LTN1: variants seen among roughly 807,000 people sequenced by gnomAD.
LTN1 encodes E3 ubiquitin-protein ligase listerin.
Under a neutral mutation model 201.2 loss-of-function variants are expected in LTN1, and 88 were observed. That is an observed-to-expected ratio of 0.44 (90% CI 0.37 to 0.52). The LOEUF (loss-of-function observed/expected upper bound fraction) is 0.52. Ranked by LOEUF, LTN1 falls within the 20% of genes least tolerant of loss-of-function variation. The pLI is 0.00. For synonymous variants in LTN1, 645 were observed against 713.5 expected (o/e 0.90, Z 1.53); for missense variants, 1,752 against 2,038.7 (o/e 0.86, Z 2.71).
chr21:28,940,300 C>A (rs2084287221), intron 25 of LTN1, among the ~76,000 whole-genome samples: 1 of 152,162 alleles, frequency 6.6e-6, no homozygotes, highest in Non-Finnish European at 1.5e-5. Context: ...AAGTGGGGAT[C>A]CTTCTAACAG....
rs777364687 is a variant in LTN1 at position 28,966,983 on chromosome 21, C to T, written c.1508G>A (p.Ser503Asn). Residue 503 changes from serine to asparagine, a missense_variant, in exon 10 of 30, where the codon AGT becomes AAT. Coordinates refer to ENST00000361371, the MANE Select transcript of LTN1 (RefSeq NM_015565.3). The part of the protein sequence containing the change: ...RLSEICVAKI[S>N]EPEADVESVL... ...GGACTCAACATCAGCTTCTGGCTCA[C>T]TGATTTTCGCAACACAGATCTCTGA... The T allele has an allele frequency of 1.2e-6, 2 of 1,614,026 alleles. No homozygotes were observed. The highest frequency in any genetic ancestry group is 2.2e-5 in the South Asian group (2 of 91,064).
chr21:28,972,420 T>C (rs1353486620), intron 6 of LTN1, among the ~76,000 whole-genome samples: 1 of 114,018 alleles, frequency 8.8e-6, no homozygotes, highest in African/African-American at 3.4e-5. Flanking sequence ...GTCCCTGACA[T>C]AAAATGGCGT....
Position 28,986,982 on chromosome 21 carries a change from A to G in LTN1, c.43-48T>C, listed in dbSNP as rs762711145. On this transcript the variant is annotated intron_variant, in intron 1 of 29. Transcript: ENST00000361371. The surrounding 1 kb of genome is among the most constrained non-coding windows in gnomAD (Gnocchi z 4.1). ...AAAAGTCAGAGTCCAGGAAGGGTTC[A>G]AAACTTAACTTTATAATTCCTTGGC... 1 of 1,271,358 alleles carries G rather than the reference A, an allele frequency of 7.9e-7. No individual in the cohort carries two copies. Among genetic ancestry groups the G allele is most frequent in the Admixed American group, 1.8e-5 (1 of 57,130 alleles). 78.8% of individuals were successfully genotyped at this position (1,271,358 alleles called of 1,614,324 possible).
Position 28,945,941 on chromosome 21 carries a change from C to T in LTN1, c.3634G>A (p.Glu1212Lys), listed in dbSNP as rs1162898580. 2 of 1,608,694 alleles carry T rather than the reference C, an allele frequency of 1.2e-6. No individual in the cohort carries two copies. Among genetic ancestry groups the T allele is most frequent in the Admixed American group, 1.7e-5 (1 of 58,588 alleles). The change falls in exon 21 of 30, where the codon GAA becomes AAA. Residue 1212 changes from glutamate to lysine, a missense_variant. By Grantham distance (56) the Glu-to-Lys change is moderately conservative. Transcript: ENST00000361371. ...ACACCCAGTACCTCTGGACTTGCTTCTGATAGATTACTGTGATAAAGATAA... is the reference window on the plus strand; with the variant it reads ...ACACCCAGTACCTCTGGACTTGCTTTTGATAGATTACTGTGATAAAGATAA... ...DIFLFSCNLS[E>K]ASPEVLGVNI...
At chr21:28,992,206 G>C (rs147090691) in intron 1 of LTN1, among the ~76,000 whole-genome samples, 11 of 152,198 alleles carry the variant, frequency 7.2e-5, no homozygotes, top group African/African-American at 1.7e-4. Context: ...CGGCCAGGTA[G>C]TCAAGGCACA....
At chr21:28,969,678 CA>C in intron 8 of LTN1, 77 bp from the exon 9 acceptor site, 1 of 1,078,216 alleles carries the variant, frequency 9.3e-7, no homozygotes. Context: ...ATAAAGACCT[CA>C]AAAAGGCATC....
intron 6 of LTN1, among the ~76,000 whole-genome samples, chr21:28,976,249 T>C (rs925867639): frequency 2.0e-5 from 3 of 152,212 alleles, no homozygotes; most frequent in African/African-American, 7.2e-5. Context: ...GTGCAAATTA[T>C]ACTTCAAAAA....
chr21:28,965,360 T>C (rs1480344836), intron 11 of LTN1, among the ~76,000 whole-genome samples: 1 of 152,220 alleles, frequency 6.6e-6, no homozygotes, highest in East Asian at 1.9e-4. Context: ...AAATTGTTTA[T>C]GTTCTTTCAT....
At chr21:28,961,623 A>T (rs1323428884) in intron 11 of LTN1, 1 of 154,090 alleles carries the variant, frequency 6.5e-6, no homozygotes, top group Middle Eastern at 6.8e-4. Flanking sequence ...ACCAGAGCTT[A>T]TATTTTAGTC....
chr21:28,958,667 T>C (rs2084447658), intron 13 of LTN1, 128 bp from the exon 14 acceptor site: 1 of 615,450 alleles, frequency 1.6e-6, no homozygotes, highest in African/African-American at 1.9e-5. Context: ...AAATTTTAAA[T>C]TGCCATTCAA....
chr21:28,985,964 ATC>A (rs1329108128), intron 3 of LTN1, among the ~76,000 whole-genome samples, 173 bp downstream of exon 3: 1 of 152,128 alleles, frequency 6.6e-6, no homozygotes, highest in Non-Finnish European at 1.5e-5. Context: ...CCAGGCCCCA[ATC>A]TCTTTTTTTA....
At chr21:28,974,426 A>G (rs1181628939) in intron 6 of LTN1, among the ~76,000 whole-genome samples, 1 of 152,230 alleles carries the variant, frequency 6.6e-6, no homozygotes. Flanking sequence ...GATAAAACAC[A>G]CACAAAAAAC....
At chr21:28,966,324 C>T in intron 10 of LTN1, 46 bp downstream of exon 10, 1 of 1,438,570 alleles carries the variant, frequency 7.0e-7, no homozygotes, top group Non-Finnish European at 9.5e-7. Flanking sequence ...GCTCATTCTA[C>T]TCATCTATTA....
intron 6 of LTN1, among the ~76,000 whole-genome samples, chr21:28,975,200 ATAAGG>A (rs1379617258): frequency 6.6e-6 from 1 of 152,206 alleles, no homozygotes; most frequent in African/African-American, 2.4e-5. Context: ...ACTATACTCA[ATAAGG>A]TAAAGGAAAA....
In LTN1 at chr21:28,960,584, A is replaced by G. The variant is rs1269021449; in HGVS notation, c.2286T>C (p.Ser762=). 6.2e-7 allele frequency: 1 copy of G among 1,613,910 alleles called. No homozygotes were observed. Among genetic ancestry groups the G allele is most frequent in the Non-Finnish European group, 8.5e-7 (1 of 1,179,824 alleles). The change falls in exon 12 of 30, where the codon TCT becomes TCC. Residue 762 remains serine (S), a synonymous_variant. Coordinates refer to ENST00000361371, the MANE Select transcript of LTN1 (RefSeq NM_015565.3). ...ATCTTTCTGAGAAGTGAGATTCTGA[A>G]GATACCCTGGATTCCAAGTCCTCAT... is the stretch of plus-strand genomic sequence containing the variant. The part of the protein sequence containing the change: ...LCNEDLESRV[S]SESHFSERWT...
rs552542738 is a variant in LTN1, at chr21:28,945,873, G to A, written c.3702C>T (p.Tyr1234=). Reference sequence around the variant, plus strand: ...CACTCTCTGCCAAAGGGGATGAGCAGTATTTCAGAAATAGGGAAAGAAACC... The same window carrying A: ...CACTCTCTGCCAAAGGGGATGAGCAATATTTCAGAAATAGGGAAAGAAACC... The part of the protein sequence containing the change: ...IIRFLSLFLK[Y]CSSPLAESEW... The change falls in exon 21 of 30, where the codon TAC becomes TAT. Residue 1234 remains tyrosine, a synonymous_variant. Transcript: ENST00000361371. 1.7e-5 allele frequency: 27 copies of A among 1,613,654 alleles called. No homozygotes were observed. The highest frequency in any genetic ancestry group is 2.0e-5 in the Non-Finnish European group (24 of 1,179,740).
At chr21:28,940,006 G>A (rs2084285067) in intron 25 of LTN1, among the ~76,000 whole-genome samples, 1 of 152,106 alleles carries the variant, frequency 6.6e-6, no homozygotes, top group African/African-American at 2.4e-5. Context: ...CAGGGTATAG[G>A]GTATGAGCAA....
intron 18 of LTN1, among the ~76,000 whole-genome samples, chr21:28,948,102 A>G (rs62223967): frequency 1 from 133,082 of 133,082 alleles, 66,541 homozygotes; most frequent in Non-Finnish European, 1. Context: ...TGAGGCAGGA[A>G]AATCACTTGC....
chr21:28,986,420 T>A lies in LTN1; in HGVS notation c.247-183A>T, dbSNP rs2084699091. The A allele has an allele frequency of 1.5e-6, 1 of 685,172 alleles. No homozygotes were observed. Among genetic ancestry groups the A allele is most frequent in the Non-Finnish European group, 2.6e-6 (1 of 381,234 alleles). The allele number at this position is 685,172 out of a possible 1,614,324, so 42.4% of individuals were successfully genotyped here. A position where few individuals can be genotyped will look rare whatever the true frequency, so the allele number is the denominator to read the frequency against. ...CTACGGTAGAAACTCTTCAGTTGTT[T>A]TTTTAAAAATAAAACATCTACAAAC... On this transcript the variant is annotated intron_variant, in intron 2 of 29. Coordinates refer to ENST00000361371, the MANE Select transcript of LTN1 (RefSeq NM_015565.3). The surrounding 1 kb of genome is among the most constrained non-coding windows in gnomAD (Gnocchi z 4.1).
Sources: gnomAD v4.1 joint callset for allele counts (sites outside exome capture counted in the v4.1 genomes callset) on GRCh38, gnomAD v4.1.1 for gene constraint, Gnocchi (gnomAD v3.1) non-coding constraint, MANE v1.5 for transcripts, NCBI Gene and HGNC (gene_info 2026-07-23, HGNC 2026-07-21) for gene names.